Variants in TAFA2 observed in about 807,000 individuals in gnomAD.
TAFA2 encodes TAFA chemokine like family member 2.
Under a neutral mutation model 18.8 loss-of-function variants are expected in TAFA2, and 7 were observed. The ratio of observed to expected loss-of-function variants is 0.37; its 90% CI spans 0.21 to 0.70. The LOEUF (loss-of-function observed/expected upper bound fraction) is 0.70, where lower values mean the gene tolerates loss of function less well. Among genes scored for constraint, TAFA2 ranks in the 30% least tolerant of loss-of-function variants. The pLI is 0.53. For synonymous variants in TAFA2, 60 were observed against 54.2 expected (o/e 1.11, Z -0.47); for missense variants, 122 against 158.1 (o/e 0.77, Z 1.23).
intron 1 of TAFA2, among the ~76,000 whole-genome samples, chr12:61,954,042 A>C (rs1878564180): frequency 6.6e-6 from 1 of 152,130 alleles, no homozygotes; most frequent in Admixed American, 6.6e-5. Context: ...CATAGTGGTG[A>C]AGTCTGGACT....
At chr12:61,957,291 G>A (rs938073342) in intron 1 of TAFA2, among the ~76,000 whole-genome samples, 1 of 152,050 alleles carries the variant, frequency 6.6e-6, no homozygotes, top group East Asian at 1.9e-4. Flanking sequence ...AAAAAGTTCT[G>A]ACACTTGTTA....
At chr12:61,771,886 A>G (rs940853680) in intron 2 of TAFA2, among the ~76,000 whole-genome samples, 1 of 140,454 alleles carries the variant, frequency 7.1e-6, no homozygotes, top group Non-Finnish European at 1.5e-5. Context: ...CAAAGGTTAG[A>G]CCAGAACTAA....
intron 1 of TAFA2, among the ~76,000 whole-genome samples, chr12:62,016,003 C>CACCAAAT: frequency 6.6e-6 from 1 of 152,204 alleles, no homozygotes; most frequent in South Asian, 2.1e-4. Flanking sequence ...GATGTAATGC[C>CACCAAAT]ACCAAATTGT....
At chr12:62,186,625 A>T (rs905837542) in intron 1 of TAFA2, among the ~76,000 whole-genome samples, 3 of 152,168 alleles carry the variant, frequency 2.0e-5, no homozygotes, top group Non-Finnish European at 2.9e-5. Context: ...GGGGAAAGGG[A>T]GATGTAACTT....
chr12:61,890,975 G>A (rs10877761), intron 1 of TAFA2, among the ~76,000 whole-genome samples: 40,809 of 152,082 alleles, frequency 0.27, 5,821 homozygotes, highest in South Asian at 0.38. Context: ...TTGCTATATA[G>A]TAGCACAGAT....
chr12:62,175,945 TC>T (rs2062510143), intron 1 of TAFA2, among the ~76,000 whole-genome samples: 1 of 151,814 alleles, frequency 6.6e-6, no homozygotes, highest in Admixed American at 6.6e-5. Flanking sequence ...TTCAACCTGT[TC>T]CCACCTTTTT....
rs116973840 is a variant in TAFA2 at position 61,849,872 on chromosome 12, A to T, written c.106+17448T>A. Among the ~76,000 whole-genome samples, 18 of 152,310 alleles carry T rather than the reference A, an allele frequency of 1.2e-4. No homozygotes were observed. In the East Asian group the frequency reaches 3.3e-3, roughly 28 times the overall value. Reference sequence around the variant, plus strand: ...TTTTGCTATGTGAATTCTTTAACACATAGATTGTTGATCTAGTTATTATAT... The same window carrying T: ...TTTTGCTATGTGAATTCTTTAACACTTAGATTGTTGATCTAGTTATTATAT... On this transcript the variant is annotated intron_variant, in intron 2 of 4. Coordinates refer to ENST00000416284, the MANE Select transcript of TAFA2 (RefSeq NM_178539.5).
intron 1 of TAFA2, among the ~76,000 whole-genome samples, chr12:62,063,389 A>T (rs1337995450): frequency 6.6e-6 from 1 of 152,178 alleles, no homozygotes; most frequent in South Asian, 2.1e-4. Context: ...TCCAGGAGCC[A>T]TTTCCTACCA....
chr12:62,019,839 G>A (rs928204756), intron 1 of TAFA2, among the ~76,000 whole-genome samples: 1 of 151,892 alleles, frequency 6.6e-6, no homozygotes, highest in Non-Finnish European at 1.5e-5. Context: ...TAAAAAAATA[G>A]AATAAAATAA....
intron 1 of TAFA2, among the ~76,000 whole-genome samples, chr12:61,900,588 A>G (rs1876054579): frequency 6.6e-6 from 1 of 152,180 alleles, no homozygotes; most frequent in Non-Finnish European, 1.5e-5. Context: ...AGAAGTGCTG[A>G]GCAAAGGGGG....
At chr12:61,908,771 G>A (rs1876477309) in intron 1 of TAFA2, among the ~76,000 whole-genome samples, 1 of 152,094 alleles carries the variant, frequency 6.6e-6, no homozygotes, top group Non-Finnish European at 1.5e-5. Flanking sequence ...ACCTCTTTAT[G>A]GAGCAACATA....
intron 2 of TAFA2, among the ~76,000 whole-genome samples, chr12:61,776,902 T>A (rs1870285781): frequency 6.6e-6 from 1 of 151,870 alleles, no homozygotes; most frequent in Non-Finnish European, 1.5e-5. Context: ...ATCTTGTCCA[T>A]AATTAGAAGC....
Position 62,212,332 on chromosome 12 carries a change from A to G in TAFA2, c.-130+46431T>C, listed in dbSNP as rs549241052. Among the ~76,000 whole-genome samples, 133 of 152,302 alleles carry G rather than the reference A, an allele frequency of 8.7e-4. 2 individuals carry two copies. Among genetic ancestry groups the G allele is most frequent in the African/African-American group, 3.0e-3 (124 of 41,572 alleles). ...CAACAACCTCTCCAAGAATCCACCT[A>G]TAAAGAGGTGTTTCATTGAGCCCTG... On this transcript the variant is annotated intron_variant, in intron 1 of 5. Coordinates refer to the TAFA2 transcript ENST00000551619.
chr12:62,086,601 C>G (rs539107609), intron 1 of TAFA2, among the ~76,000 whole-genome samples: 5 of 152,030 alleles, frequency 3.3e-5, no homozygotes, highest in African/African-American at 1.2e-4. Flanking sequence ...TAAGATACCA[C>G]TTCATACATA....
chr12:62,066,126 C>CATGT (rs1555187369), intron 1 of TAFA2, among the ~76,000 whole-genome samples: 1 of 145,470 alleles, frequency 6.9e-6, no homozygotes, highest in Admixed American at 6.9e-5. Flanking sequence ...CTGAAACAGC[C>CATGT]GTGTGTGTGT....
chr12:61,977,776 C>T (rs936675468), intron 1 of TAFA2, among the ~76,000 whole-genome samples: 1 of 151,992 alleles, frequency 6.6e-6, no homozygotes, highest in Admixed American at 6.6e-5. Flanking sequence ...TAAGATAAAT[C>T]AATGCAAAAC....
intron 1 of TAFA2, among the ~76,000 whole-genome samples, chr12:62,008,021 T>C (rs1880614007): frequency 6.6e-6 from 1 of 152,216 alleles, no homozygotes; most frequent in Non-Finnish European, 1.5e-5. Flanking sequence ...CTATCCTCTC[T>C]ACTTCTATGA....
At chr12:62,137,131 G>A (rs978954187) in intron 1 of TAFA2, among the ~76,000 whole-genome samples, 1 of 152,088 alleles carries the variant, frequency 6.6e-6, no homozygotes, top group East Asian at 1.9e-4. Flanking sequence ...AAAAGCTCCT[G>A]TTTCTTACCC....
chr12:61,999,240 C>T (rs1442849289), intron 1 of TAFA2, among the ~76,000 whole-genome samples: 1 of 152,186 alleles, frequency 6.6e-6, no homozygotes. Context: ...CAGAAATGGT[C>T]TCATGTCCCA....
Sources: gnomAD v4.1 joint callset for allele counts (sites outside exome capture counted in the v4.1 genomes callset) on GRCh38, gnomAD v4.1.1 for gene constraint, MANE v1.5 for transcripts, NCBI Gene and HGNC (gene_info 2026-07-23, HGNC 2026-07-21) for gene names.